Variants in ATP11B observed in about 807,000 individuals in gnomAD.
ATP11B encodes the protein ATPase phospholipid transporting 11B (putative).
In ATP11B, 81 loss-of-function variants were observed where a neutral mutation model predicts 157.8. The observed-to-expected ratio is 0.51, with a 90% CI of 0.43 to 0.62. The LOEUF (loss-of-function observed/expected upper bound fraction) is 0.62, where lower values mean the gene tolerates loss of function less well. Among genes scored for constraint, ATP11B ranks in the 20% least tolerant of loss-of-function variants. ATP11B has a pLI of 0.00. For synonymous variants in ATP11B, 451 were observed against 469.4 expected, an observed-to-expected ratio of 0.96 and a Z score of 0.51; for missense variants, 1,165 against 1,402.2, an observed-to-expected ratio of 0.83 and a Z score of 2.70.
At chr3:182,884,395 TA>T (rs1320364311) in intron 21 of ATP11B, among the ~76,000 whole-genome samples, 2 of 152,184 alleles carry the variant, frequency 1.3e-5, no homozygotes, top group East Asian at 3.8e-4. Flanking sequence ...ATAGTGAAGT[TA>T]AGTATTTTAT....
At chr3:182,854,635 A>G (rs1195977489) in intron 10 of ATP11B, among the ~76,000 whole-genome samples, 2 of 152,188 alleles carry the variant, frequency 1.3e-5, no homozygotes, top group African/African-American at 4.8e-5. Context: ...TCTGCTCATC[A>G]GGCTAAACAT....
chr3:182,871,035 C>T (rs1288310251), intron 17 of ATP11B, among the ~76,000 whole-genome samples: 1 of 152,100 alleles, frequency 6.6e-6, no homozygotes, highest in African/African-American at 2.4e-5. Context: ...AGCACAGTGG[C>T]TCATGCCTGT....
intron 1 of ATP11B, among the ~76,000 whole-genome samples, chr3:182,795,254 G>C (rs1410443687): frequency 6.6e-6 from 1 of 152,152 alleles, no homozygotes; most frequent in East Asian, 1.9e-4. Flanking sequence ...TTACAGATTT[G>C]ATCTTATGCT....
intron 4 of ATP11B, 157 bp downstream of exon 4, chr3:182,829,909 C>G (rs566195689): frequency 3.0e-6 from 3 of 984,144 alleles, no homozygotes; most frequent in East Asian, 2.3e-4. Flanking sequence ...ATTAGCCACT[C>G]TGTTATATTT....
intron 8 of ATP11B, among the ~76,000 whole-genome samples, chr3:182,845,190 A>G (rs1452451820): frequency 6.6e-6 from 1 of 151,950 alleles, no homozygotes; most frequent in Non-Finnish European, 1.5e-5. Flanking sequence ...GTATTTTAGC[A>G]GAGACGGGGT....
intron 1 of ATP11B, among the ~76,000 whole-genome samples, chr3:182,799,103 A>C (rs1393454587): frequency 6.6e-6 from 1 of 152,114 alleles, no homozygotes; most frequent in African/African-American, 2.4e-5. Context: ...CTATTTTCAG[A>C]GTGTTGGTCT....
Position 182,859,289 on chromosome 3 carries a change from A to G in ATP11B, c.1130A>G (p.Asp377Gly), listed in dbSNP as rs148742494. 7 of 1,611,378 alleles carry G rather than the reference A, an allele frequency of 4.3e-6. No individual in the cohort carries two copies. The African/African-American group carries it at 9.4e-5, about 22-fold the overall frequency. The change falls in exon 12 of 30, where the codon GAT (aspartate) becomes GGT (glycine). Residue 377 changes from aspartate (D) to glycine (G), a missense_variant. By Grantham distance (94) the Asp-to-Gly change is moderately conservative (BLOSUM62 -1). Around this residue, in one of 4 missense-constraint regions of ATP11B, gnomAD observed 737 missense variants for 930.5 expected, o/e 0.79. Transcript: ENST00000323116. ...LGSFFIGWDL[D>G]LYHEESDQKA... ...TCATTTTTTATTGGCTGGGATCTTG[A>G]TCTGTATCATGAAGAATCAGATCAG...
chr3:182,868,021 T>G (rs1197055808), intron 15 of ATP11B, among the ~76,000 whole-genome samples: 1 of 152,238 alleles, frequency 6.6e-6, no homozygotes, highest in Non-Finnish European at 1.5e-5. Flanking sequence ...CATTATATTG[T>G]ATCTCATCAT....
At chr3:182,829,359 C>G (rs1242456810) in intron 3 of ATP11B, among the ~76,000 whole-genome samples, 2 of 152,134 alleles carry the variant, frequency 1.3e-5, no homozygotes, top group Admixed American at 6.5e-5. Flanking sequence ...GTAAAAATTG[C>G]TGACAGACTC....
chr3:182,800,879 C>T (rs145134596), intron 1 of ATP11B, among the ~76,000 whole-genome samples: 1 of 146,722 alleles, frequency 6.8e-6, no homozygotes. Context: ...CCCCCACCCC[C>T]CCCAGCCCCG....
At chr3:182,828,437 C>G (rs1717875147) in intron 3 of ATP11B, among the ~76,000 whole-genome samples, 1 of 151,962 alleles carries the variant, frequency 6.6e-6, no homozygotes, top group Non-Finnish European at 1.5e-5. Flanking sequence ...CAATAATGTG[C>G]TGTAGTACTT....
intron 15 of ATP11B, 71 bp downstream of exon 15, chr3:182,867,515 C>T: frequency 1.0e-6 from 1 of 983,858 alleles, no homozygotes; most frequent in Non-Finnish European, 1.6e-6. Context: ...GATCAGTAAA[C>T]TGTAGCTCAC....
chr3:182,857,135 A>G (rs559879634), intron 10 of ATP11B, among the ~76,000 whole-genome samples: 43 of 151,994 alleles, frequency 2.8e-4, no homozygotes, highest in Non-Finnish European at 5.2e-4. Context: ...TCCCCTTTAC[A>G]GGGTTTTTGT....
intron 10 of ATP11B, among the ~76,000 whole-genome samples, chr3:182,854,003 A>T (rs1720181143): frequency 6.6e-6 from 1 of 152,184 alleles, no homozygotes; most frequent in Admixed American, 6.5e-5. Flanking sequence ...GGGTTTGTTG[A>T]TTTTCAACCA....
chr3:182,848,667 C>T (rs922358538), intron 10 of ATP11B, 110 bp downstream of exon 10: 2 of 433,952 alleles, frequency 4.6e-6, no homozygotes, highest in Non-Finnish European at 3.4e-6. Flanking sequence ...AGAATGAAAA[C>T]CTTGGGGACA....
intron 8 of ATP11B, 44 bp downstream of exon 8, chr3:182,842,166 T>A: frequency 7.2e-7 from 1 of 1,389,076 alleles, no homozygotes; most frequent in South Asian, 1.2e-5. Context: ...AAATGGGAAC[T>A]GTTTGGGGGA....
At chr3:182,896,099 T>C (rs1723532655) in intron 25 of ATP11B, among the ~76,000 whole-genome samples, 1 of 152,222 alleles carries the variant, frequency 6.6e-6, no homozygotes, top group African/African-American at 2.4e-5. Flanking sequence ...CCTGAAACTC[T>C]TTTGGGGTTC....
chr3:182,881,028 T>C, intron 21 of ATP11B, 47 bp downstream of exon 21: 1 of 1,357,786 alleles, frequency 7.4e-7, no homozygotes, highest in East Asian at 2.4e-5. Context: ...TTAAAGTTGG[T>C]GGTATTATTT....
intron 1 of ATP11B, among the ~76,000 whole-genome samples, chr3:182,797,359 G>A (rs1382095285): frequency 1.3e-5 from 2 of 152,192 alleles, no homozygotes; most frequent in East Asian, 1.9e-4. Context: ...GCTAGTTTGA[G>A]TAGAGTTATT....
Sources: allele counts gnomAD v4.1 joint callset (sites outside exome capture counted in the v4.1 genomes callset), GRCh38; gene constraint gnomAD v4.1.1; regional missense constraint gnomAD v4.1.1; transcripts MANE v1.5; gene names NCBI Gene and HGNC (gene_info 2026-07-23, HGNC 2026-07-21).